The following PTPRD variants were observed in gnomAD, a reference collection of about 807,000 sequenced individuals.
PTPRD encodes receptor-type tyrosine-protein phosphatase delta.
Under a neutral mutation model 214.5 loss-of-function variants are expected in PTPRD, and 34 were observed. The ratio of observed to expected loss-of-function variants is 0.16; its 90% CI spans 0.12 to 0.21. The LOEUF (loss-of-function observed/expected upper bound fraction) is 0.21, where lower values mean the gene tolerates loss of function less well. PTPRD is among the 10% of genes least tolerant of loss of function. The pLI is 1.00. For missense variants in PTPRD, 2,545 were observed against 2,398.7 expected, an observed-to-expected ratio of 1.06 and a Z score of -1.27; for synonymous variants, 1,128 against 845.7, an observed-to-expected ratio of 1.33 and a Z score of -5.79.
At chr9:9,700,396 G>C (rs550400012) in intron 7 of PTPRD, among the ~76,000 whole-genome samples, 24 of 152,172 alleles carry the variant, frequency 1.6e-4, no homozygotes, top group Admixed American at 7.2e-4. Flanking sequence ...TACTAATGCT[G>C]TTTCCTTCTG....
chr9:10,602,368 T>A (rs2078200016), intron 2 of PTPRD, among the ~76,000 whole-genome samples: 1 of 151,836 alleles, frequency 6.6e-6, no homozygotes, highest in Non-Finnish European at 1.5e-5. Context: ...GCAGCATTTC[T>A]CATATATTAG....
intron 2 of PTPRD, among the ~76,000 whole-genome samples, chr9:10,438,694 G>A (rs1368984585): frequency 6.6e-6 from 1 of 151,484 alleles, no homozygotes; most frequent in East Asian, 1.9e-4. Flanking sequence ...TTACAGTTTG[G>A]CAAAGGAACT....
At chr9:8,956,945 C>A (rs1184256588) in intron 11 of PTPRD, among the ~76,000 whole-genome samples, 1 of 151,806 alleles carries the variant, frequency 6.6e-6, no homozygotes, top group Non-Finnish European at 1.5e-5. Flanking sequence ...TAATGTGAAG[C>A]CAGGCTTGGG....
chr9:8,822,364 G>C (rs867459090), intron 11 of PTPRD, among the ~76,000 whole-genome samples: 2 of 152,176 alleles, frequency 1.3e-5, no homozygotes, highest in South Asian at 4.1e-4. Flanking sequence ...ATAAGAACTG[G>C]AAATAAAATG....
intron 10 of PTPRD, among the ~76,000 whole-genome samples, chr9:9,164,181 C>T (rs1269107102): frequency 6.6e-6 from 1 of 152,080 alleles, no homozygotes; most frequent in Non-Finnish European, 1.5e-5. Context: ...GCTAGCAGTG[C>T]CATTTTCCTT....
At chr9:9,828,510 G>A (rs2053741717) in intron 5 of PTPRD, among the ~76,000 whole-genome samples, 1 of 152,074 alleles carries the variant, frequency 6.6e-6, no homozygotes, top group African/African-American at 2.4e-5. Context: ...GTGAGGTGTG[G>A]GGAGAGGGGA....
At chr9:9,143,128 A>G (rs957957709) in intron 10 of PTPRD, among the ~76,000 whole-genome samples, 4 of 152,172 alleles carry the variant, frequency 2.6e-5, no homozygotes, top group Non-Finnish European at 5.9e-5. Context: ...CTTTGCAAAT[A>G]GACTGCTTAC....
intron 11 of PTPRD, among the ~76,000 whole-genome samples, chr9:8,924,463 T>C (rs1367246202): frequency 6.6e-6 from 1 of 152,174 alleles, no homozygotes; most frequent in African/African-American, 2.4e-5. Context: ...GCATGTTGCA[T>C]CAATTTGCGG....
intron 2 of PTPRD, among the ~76,000 whole-genome samples, chr9:10,361,028 G>A (rs1158828883): frequency 6.6e-6 from 1 of 152,110 alleles, no homozygotes; most frequent in Non-Finnish European, 1.5e-5. Flanking sequence ...CGTGAACACG[G>A]GAGGCGGAGC....
At chr9:8,755,855 C>T (rs2154471334) in intron 11 of PTPRD, among the ~76,000 whole-genome samples, 1 of 152,246 alleles carries the variant, frequency 6.6e-6, no homozygotes, top group South Asian at 2.1e-4. Context: ...CAGCCCAAAG[C>T]ACTGAGACTC....
At chr9:9,052,636 T>C (rs1389003191) in intron 10 of PTPRD, among the ~76,000 whole-genome samples, 1 of 152,166 alleles carries the variant, frequency 6.6e-6, no homozygotes, top group African/African-American at 2.4e-5. Context: ...CCATGGACTT[T>C]CCCTCTCCCA....
chr9:10,413,370 A>C (rs2098456620), intron 2 of PTPRD, among the ~76,000 whole-genome samples: 1 of 151,870 alleles, frequency 6.6e-6, no homozygotes, highest in South Asian at 2.1e-4. Context: ...TTGCCATGTA[A>C]ATAACAAAAT....
intron 6 of PTPRD, among the ~76,000 whole-genome samples, chr9:9,760,378 T>C (rs1373393338): frequency 6.6e-6 from 1 of 152,150 alleles, no homozygotes; most frequent in Non-Finnish European, 1.5e-5. Flanking sequence ...AGTAAAATTT[T>C]TGAGGGTAAA....
rs184539156 is a variant in PTPRD at position 8,581,704 on chromosome 9, G to A, written c.352+51613C>T. Among the ~76,000 whole-genome samples the A allele has an allele frequency of 3.0e-4, 46 of 151,352 alleles. No individual in the cohort carries two copies. In the East Asian group the frequency reaches 5.3e-3, roughly 17 times the overall value. ...AAAGCTTGCAGTGAGCCGAGATCCC[G>A]CTACTGCACTCTAGCCCGGACGACA... On this transcript the variant is annotated intron_variant, in intron 14 of 45. Transcript: ENST00000381196.
chr9:8,353,872 A>ATGTGTATATG (rs1281305986), intron 39 of PTPRD, among the ~76,000 whole-genome samples: 2 of 145,868 alleles, frequency 1.4e-5, no homozygotes, highest in African/African-American at 5.0e-5. Context: ...ATATGTATAT[A>ATGTGTATATG]TGTATATATG....
chr9:8,530,323 G>T (rs1310614927), intron 14 of PTPRD, among the ~76,000 whole-genome samples: 1 of 151,978 alleles, frequency 6.6e-6, no homozygotes, highest in African/African-American at 2.4e-5. Flanking sequence ...TCTCTCATAG[G>T]AAATTTTTCT....
chr9:9,664,542 A>T (rs2096679246), intron 7 of PTPRD, among the ~76,000 whole-genome samples: 1 of 151,664 alleles, frequency 6.6e-6, no homozygotes, highest in African/African-American at 2.4e-5. Context: ...CATTCAAACT[A>T]AATGGAAACC....
intron 12 of PTPRD, among the ~76,000 whole-genome samples, chr9:8,678,555 T>C (rs1026528110): frequency 3.9e-5 from 6 of 152,110 alleles, no homozygotes; most frequent in African/African-American, 1.2e-4. Context: ...CCTGCCAAAG[T>C]CAACAATCAA....
In PTPRD at chr9:8,340,848, T is replaced by TTAAC. The variant is rs577101582; in HGVS notation, c.5126+238_5126+241dup. ...AATATGGTACAAAACAGATTCTTTA[T>TTAAC]TAACTACTTACATATCCAATTGGCT... On this transcript the variant is annotated intron_variant, in intron 41 of 45. Transcript: ENST00000381196. 7.7e-4 allele frequency among the ~76,000 whole-genome samples: 118 copies of TTAAC among 152,260 alleles called. 1 individual carries two copies. Among genetic ancestry groups the TTAAC allele is most frequent in the African/African-American group, 2.6e-3 (108 of 41,552 alleles).
Sources: allele counts gnomAD v4.1 joint callset (sites outside exome capture counted in the v4.1 genomes callset), GRCh38; gene constraint gnomAD v4.1.1; transcripts MANE v1.5; gene names NCBI Gene and HGNC (gene_info 2026-07-23, HGNC 2026-07-21).